Variants in AKAP9 observed in about 807,000 individuals in gnomAD.
AKAP9 encodes the protein A-kinase anchoring protein 9, also known as A-kinase anchor protein 9.
In AKAP9, 311 loss-of-function variants were observed where a neutral mutation model predicts 488.5. The observed-to-expected ratio is 0.64, with a 90% CI of 0.58 to 0.70. The LOEUF is 0.70. Among genes scored for constraint, AKAP9 ranks in the 30% least tolerant of loss-of-function variants. The pLI is 0.00. For missense variants in AKAP9, 4,215 were observed against 4,374.5 expected, an observed-to-expected ratio of 0.96 and a Z score of 1.03; for synonymous variants, 1,462 against 1,483.5, an observed-to-expected ratio of 0.99 and a Z score of 0.33.
At position 92,029,976 on chromosome 7, in the gene AKAP9, T is replaced by C. The variant is rs1390402540; in HGVS notation, c.4230T>C (p.Ile1410=). 1.2e-6 allele frequency: 2 copies of C among 1,605,934 alleles called. No homozygotes were observed. The highest frequency in any genetic ancestry group is 1.7e-6 in the Non-Finnish European group (2 of 1,173,000). The part of the protein sequence containing the change: ...MYPGSCVKKN[I]DGTIEFSGEF... ...CTGGAAGTTGTGTGAAAAAGAATAT[T>C]GATGGTACAATAGAGGTATTATATT... The change falls in exon 15 of 50, where the codon ATT becomes ATC. Residue 1410 remains isoleucine, a synonymous_variant. Transcript: ENST00000356239.
chr7:92,053,907 A>G (rs1046256371), intron 22 of AKAP9, among the ~76,000 whole-genome samples: 1 of 152,148 alleles, frequency 6.6e-6, no homozygotes, highest in African/African-American at 2.4e-5. Flanking sequence ...GATTCACACT[A>G]AAGTTTGAGA....
chr7:91,997,487 C>G (rs1264926219), intron 7 of AKAP9, among the ~76,000 whole-genome samples: 1 of 152,186 alleles, frequency 6.6e-6, no homozygotes, highest in Non-Finnish European at 1.5e-5. Context: ...TCAATACTCA[C>G]TTTGTAAACA....
Position 91,992,936 on chromosome 7 carries a change from A to T in AKAP9, c.457A>T (p.Ser153Cys), listed in dbSNP as rs779689614. The change falls in exon 5 of 50, where the codon AGT (serine) becomes TGT (cysteine). Residue 153 changes from serine to cysteine, a missense_variant. Around this residue, in one of 5 missense-constraint regions of AKAP9, gnomAD observed 2,361 missense variants for 2,430.0 expected, o/e 0.97. Transcript: ENST00000356239. The stretch of plus-strand genomic sequence containing the variant: ...TTATTCTGAACAAGGAGCACAAGAC[A>T]GTCCGACTCATCTAGAGATGATGGA... ...DSYSEQGAQD[S>C]PTHLEMMESE... The T allele has an allele frequency of 6.2e-7, 1 of 1,614,130 alleles. No homozygotes were observed. The highest frequency in any genetic ancestry group is 1.7e-5 in the Admixed American group (1 of 60,026).
At chr7:92,096,358 A>G (rs1458071317) in intron 40 of AKAP9, among the ~76,000 whole-genome samples, 2 of 147,446 alleles carry the variant, frequency 1.4e-5, no homozygotes, top group Admixed American at 6.7e-5. Flanking sequence ...TTTTGAGTCA[A>G]AAGTCTCACT....
intron 1 of AKAP9, among the ~76,000 whole-genome samples, chr7:91,947,964 T>C (rs1454565033): frequency 2.6e-5 from 4 of 152,222 alleles, no homozygotes; most frequent in Admixed American, 6.5e-5. Flanking sequence ...TCATTGCTTC[T>C]TCCCTCTAGC....
intron 22 of AKAP9, 56 bp downstream of exon 22, chr7:92,053,014 A>G: frequency 1.4e-6 from 2 of 1,385,518 alleles, no homozygotes; most frequent in South Asian, 2.4e-5. Flanking sequence ...ATACTATCCC[A>G]CTCTCTCGAC....
Position 92,022,827 on chromosome 7 carries a change from A to G in AKAP9, c.3966A>G (p.Lys1322=). The G allele has an allele frequency of 6.3e-7, 1 of 1,594,804 alleles. No homozygotes were observed. Among genetic ancestry groups the G allele is most frequent in the South Asian group, 1.1e-5 (1 of 90,440 alleles). The part of the protein sequence containing the change: ...TNLEDIDVNH[K]SKLSSLQDLE... ...TATATAACATAGATGTCAATCATAA[A>G]AGCAAGTTATCTTCTCTGCAAGATC... The change falls in exon 14 of 50, where the codon AAA becomes AAG. Residue 1322 remains lysine (K), a synonymous_variant. Transcript: ENST00000356239.
intron 46 of AKAP9, among the ~76,000 whole-genome samples, chr7:92,103,729 C>A (rs1328698974): frequency 2.0e-5 from 3 of 151,106 alleles, no homozygotes; most frequent in Non-Finnish European, 4.4e-5. Flanking sequence ...AGCCCATGAA[C>A]AAGCTCACAC....
chr7:91,948,314 CATATGGTAGTT>C (rs1256442509), intron 1 of AKAP9, among the ~76,000 whole-genome samples: 2 of 152,116 alleles, frequency 1.3e-5, no homozygotes, highest in Non-Finnish European at 2.9e-5. Flanking sequence ...TGAGCAAGGT[CATATGGTAGTT>C]ATATTTCAAC....
At chr7:92,104,252 G>T (rs1818148896) in intron 46 of AKAP9, among the ~76,000 whole-genome samples, 2 of 148,860 alleles carry the variant, frequency 1.3e-5, no homozygotes, top group African/African-American at 5.0e-5. Context: ...GTGCAGTGGT[G>T]CTATCTCAGC....
At chr7:92,051,009 T>C (rs1396218128) in intron 21 of AKAP9, among the ~76,000 whole-genome samples, 1 of 152,234 alleles carries the variant, frequency 6.6e-6, no homozygotes, top group Non-Finnish European at 1.5e-5. Flanking sequence ...TACCTCTGCA[T>C]TGCTACAATT....
At chr7:92,069,743 T>G (rs1811372051) in intron 26 of AKAP9, among the ~76,000 whole-genome samples, 1 of 152,160 alleles carries the variant, frequency 6.6e-6, no homozygotes. Flanking sequence ...GACCTGGGCT[T>G]GTTGGTGTGC....
rs1475246203 is a variant in AKAP9 at position 92,070,109 on chromosome 7, G to T, written c.6410G>T (p.Arg2137Met). 1 of 1,614,034 alleles carries T rather than the reference G, an allele frequency of 6.2e-7. No homozygotes were observed. Among genetic ancestry groups the T allele is most frequent in the East Asian group, 2.2e-5 (1 of 44,858 alleles). The change falls in exon 27 of 50, where the codon AGG becomes ATG. Residue 2137 changes from arginine (R) to methionine (M), a missense_variant. This residue lies in a region of AKAP9 where 2,361 missense variants were observed against 2,430.0 expected (regional missense o/e 0.97). Coordinates refer to ENST00000356239, the MANE Select transcript of AKAP9 (RefSeq NM_005751.5). ...ELLLSKEQLQ[R>M]DIQERNEEIE... ...TTGCTCTCTAAAGAGCAGCTTCAAAGGGATATACAAGAAAGGAATGAAGAA... is the reference window on the plus strand; with the variant it reads ...TTGCTCTCTAAAGAGCAGCTTCAAATGGATATACAAGAAAGGAATGAAGAA...
chr7:92,071,116 T>C, intron 28 of AKAP9, 107 bp downstream of exon 28: 1 of 1,062,060 alleles, frequency 9.4e-7, no homozygotes, highest in Non-Finnish European at 1.4e-6. Context: ...AAAACCAAAG[T>C]TGAGGCTGTT....
intron 6 of AKAP9, among the ~76,000 whole-genome samples, 182 bp from the exon 7 acceptor site, chr7:91,995,421 G>A (rs528980568): frequency 6.6e-6 from 1 of 152,208 alleles, no homozygotes; most frequent in South Asian, 2.1e-4. Context: ...CTGTATCATG[G>A]AAAAGATAAG....
At chr7:91,948,605 C>CTTTTTTTTTTT (rs55928500) in intron 1 of AKAP9, among the ~76,000 whole-genome samples, 4 of 107,566 alleles carry the variant, frequency 3.7e-5, no homozygotes, top group Non-Finnish European at 5.5e-5. Flanking sequence ...TTGTAGATTT[C>CTTTTTTTTTTT]TTTTTTTTTT....
At chr7:92,090,765 G>A (rs1275107541) in intron 38 of AKAP9, 1 of 152,064 alleles carries the variant, frequency 6.6e-6, no homozygotes, top group African/African-American at 2.4e-5. Context: ...GTTGTATAGT[G>A]TTTCTGCTAC....
chr7:92,031,977 G>A (rs1804336403), intron 16 of AKAP9, among the ~76,000 whole-genome samples: 1 of 152,204 alleles, frequency 6.6e-6, no homozygotes, highest in African/African-American at 2.4e-5. Flanking sequence ...GAGAAGTTTT[G>A]TTAGGTAATG....
At chr7:92,103,930 C>T (rs1367343148) in intron 46 of AKAP9, among the ~76,000 whole-genome samples, 1 of 151,864 alleles carries the variant, frequency 6.6e-6, no homozygotes, top group Non-Finnish European at 1.5e-5. Context: ...TTTGCTAGTG[C>T]TTTTATTGTT....
Sources: allele counts gnomAD v4.1 joint callset (sites outside exome capture counted in the v4.1 genomes callset), GRCh38; gene constraint gnomAD v4.1.1; regional missense constraint gnomAD v4.1.1; transcripts MANE v1.5; gene names NCBI Gene and HGNC (gene_info 2026-07-23, HGNC 2026-07-21).